Variants in CD300LB observed in about 807,000 individuals in gnomAD.
CD300LB encodes the protein CD300 molecule like family member b, also known as CMRF35-like molecule 7.
In CD300LB, 18 loss-of-function variants were observed where a neutral mutation model predicts 20.8. The observed-to-expected ratio is 0.87, with a 90% CI of 0.60 to 1.28. The LOEUF is 1.28. Among genes scored for constraint, CD300LB ranks in the 50% most tolerant of loss-of-function variants. CD300LB has a pLI of 0.00. For synonymous variants in CD300LB, 91 were observed against 91.3 expected (o/e 1.00, Z 0.02); for missense variants, 222 against 251.8 (o/e 0.88, Z 0.80).
intron 2 of CD300LB, 37 bp from the exon 3 acceptor site, chr17:74,523,688 C>A: frequency 1.4e-6 from 2 of 1,446,048 alleles, no homozygotes; most frequent in Non-Finnish European, 1.9e-6. Flanking sequence ...GTTATTAGCA[C>A]AGTTGGGAGC....
In CD300LB at chr17:74,531,356, T is replaced by C. The variant is rs1198454572; in HGVS notation, c.-6A>G. On this transcript the variant is annotated 5_prime_UTR_variant, in exon 1 of 4. Transcript: ENST00000392621. ...AGAGCAGGGGGCAGCCACATGGCTC[T>C]GCCTTCCCGGCTCCTCGTCCGCCTG... The C allele has an allele frequency of 6.2e-7, 1 of 1,611,806 alleles. No homozygotes were observed. The highest frequency in any genetic ancestry group is 8.5e-7 in the Non-Finnish European group (1 of 1,178,948).
chr17:74,523,310 C>A, intron 3 of CD300LB: 1 of 553,540 alleles, frequency 1.8e-6, no homozygotes, highest in South Asian at 2.2e-5. Flanking sequence ...CCCTGGCACC[C>A]ATTAGGCCAC....
At chr17:74,530,783 C>T (rs12948318) in intron 1 of CD300LB, among the ~76,000 whole-genome samples, 4,083 of 151,772 alleles carry the variant, frequency 0.027, 57 homozygotes, top group South Asian at 0.051. Flanking sequence ...TATGTCTCAC[C>T]CACTAAGCCA....
Position 74,531,320 on chromosome 17 carries a change from T to A in CD300LB, c.31A>T (p.Ser11Cys), listed in dbSNP as rs1482721741. 1.3e-6 allele frequency: 2 copies of A among 1,594,102 alleles called. No homozygotes were observed. Among genetic ancestry groups the A allele is most frequent in the African/African-American group, 2.7e-5 (2 of 73,968 alleles). The part of the protein sequence containing the change: MWLPPALLLL[S>C]LSGCFSIQGP... ...CCCCAGCCCCACTCACCTGAGAGGCTGAGAAGGAGCAGAGCAGGGGGCAGC... is the reference window on the plus strand; with the variant it reads ...CCCCAGCCCCACTCACCTGAGAGGCAGAGAAGGAGCAGAGCAGGGGGCAGC... The change falls in exon 1 of 4, where the codon AGC (serine) becomes TGC (cysteine). Residue 11 changes from serine (S) to cysteine (C), a missense_variant. Transcript: ENST00000392621.
chr17:74,522,593 G>A lies in CD300LB; in HGVS notation c.*145C>T. On this transcript the variant is annotated 3_prime_UTR_variant, in exon 4 of 4. Transcript: ENST00000392621. ...TCCCTGAGCTGTGCAGAACAGGGAG[G>A]TGCCCACCAGCTCCAAGGCCAGGGC... is the stretch of plus-strand genomic sequence containing the variant. The A allele has an allele frequency of 6.8e-7, 1 of 1,468,954 alleles. No homozygotes were observed. Among genetic ancestry groups the A allele is most frequent in the Non-Finnish European group, 9.0e-7 (1 of 1,113,892 alleles). The allele number at this position is 1,468,954 out of a possible 1,614,324, so 91.0% of individuals were successfully genotyped here.
Position 74,522,603 on chromosome 17 carries a change from G to C in CD300LB, c.*135C>G. On this transcript the variant is annotated 3_prime_UTR_variant, in exon 4 of 4. Transcript: ENST00000392621. ...GTGCAGAACAGGGAGGTGCCCACCA[G>C]CTCCAAGGCCAGGGCGGAGGCCCAG... 6.7e-7 allele frequency: 1 copy of C among 1,486,148 alleles called. No individual in the cohort carries two copies. Among genetic ancestry groups the C allele is most frequent in the African/African-American group, 1.4e-5 (1 of 71,552 alleles). 92.1% of individuals were successfully genotyped at this position (1,486,148 alleles called of 1,614,324 possible). A position where few individuals can be genotyped will look rare whatever the true frequency, so the allele number is the denominator to read the frequency against.
At chr17:74,530,278 A>C (rs2143093142) in intron 1 of CD300LB, among the ~76,000 whole-genome samples, 2 of 152,304 alleles carry the variant, frequency 1.3e-5, no homozygotes, top group South Asian at 4.1e-4. Context: ...GTAAAATTCT[A>C]GATTGTCCCC....
chr17:74,521,212 A>C lies in CD300LB; in HGVS notation c.*1526T>G, dbSNP rs1907868624. The C allele has an allele frequency of 4.1e-6, 1 of 246,340 alleles. No individual in the cohort carries two copies. The highest frequency in any genetic ancestry group is 2.3e-5 in the African/African-American group (1 of 43,164). The allele number at this position is 246,340 out of a possible 1,614,324, so 15.3% of individuals were successfully genotyped here. A position where few individuals can be genotyped will look rare whatever the true frequency, so the allele number is the denominator to read the frequency against. ...ACGGATTCATTGAATATCAACAGGA[A>C]GAAACGGTGGGAAAAGAATGACATC... On this transcript the variant is annotated 3_prime_UTR_variant, in exon 4 of 4. Transcript: ENST00000392621.
Position 74,522,604 on chromosome 17 carries a change from C to T in CD300LB, c.*134G>A. 6.7e-7 allele frequency: 1 copy of T among 1,488,420 alleles called. No individual in the cohort carries two copies. The highest frequency in any genetic ancestry group is 2.3e-5 in the East Asian group (1 of 42,846). 92.2% of individuals were successfully genotyped at this position (1,488,420 alleles called of 1,614,324 possible). ...TGCAGAACAGGGAGGTGCCCACCAG[C>T]TCCAAGGCCAGGGCGGAGGCCCAGG... On this transcript the variant is annotated 3_prime_UTR_variant, in exon 4 of 4. Coordinates refer to ENST00000392621, the MANE Select transcript of CD300LB (RefSeq NM_174892.4).
intron 2 of CD300LB, among the ~76,000 whole-genome samples, 194 bp from the exon 3 acceptor site, chr17:74,523,845 A>G (rs1907956130): frequency 6.6e-6 from 1 of 152,136 alleles, no homozygotes; most frequent in Non-Finnish European, 1.5e-5. Flanking sequence ...ATTTTTCCTC[A>G]TCATGTTCAG....
chr17:74,522,953 C>T (rs1567998293), intron 3 of CD300LB, 53 bp from the exon 4 acceptor site: 13 of 1,542,060 alleles, frequency 8.4e-6, no homozygotes, highest in Non-Finnish European at 1.1e-5. Context: ...GGCCATGTCA[C>T]TCCCATCCCC....
rs1456058964 is a variant in CD300LB at position 74,525,903 on chromosome 17, T to G, written c.215A>C (p.Lys72Thr). The G allele has an allele frequency of 1.2e-6, 2 of 1,614,018 alleles. No homozygotes were observed. Among genetic ancestry groups the G allele is most frequent in the Non-Finnish European group, 1.7e-6 (2 of 1,180,036 alleles). Residue 72 changes from lysine to threonine, a missense_variant, in exon 2 of 4, where the codon AAG (lysine) becomes ACG (threonine). Physicochemically the swap from Lys to Thr is moderately conservative, Grantham distance 78. Coordinates refer to ENST00000392621, the MANE Select transcript of CD300LB (RefSeq NM_174892.4). ...GTCCTTGATGGACACACGGTCACTC[T>G]TCTCTCCTTGCTCCGACCCTCTGGT... ...IETRGSEQGE[K>T]SDRVSIKDNQ... is the part of the protein sequence containing the mutation.
At position 74,521,895 on chromosome 17, in the gene CD300LB, A is replaced by G. The variant is rs1417833272; in HGVS notation, c.*843T>C. On this transcript the variant is annotated 3_prime_UTR_variant, in exon 4 of 4. Coordinates refer to ENST00000392621, the MANE Select transcript of CD300LB (RefSeq NM_174892.4). ...TTTTCATTAGTAACATGATTTCAACATCACCGAAAAGGGAGGGTGCCATTT... is the reference window on the plus strand; with the variant it reads ...TTTTCATTAGTAACATGATTTCAACGTCACCGAAAAGGGAGGGTGCCATTT... The G allele has an allele frequency of 1.0e-6, 1 of 985,448 alleles. No individual in the cohort carries two copies. Among genetic ancestry groups the G allele is most frequent in the Non-Finnish European group, 1.2e-6 (1 of 829,926 alleles). The allele number at this position is 985,448 out of a possible 1,614,324, so 61.0% of individuals were successfully genotyped here. A position where few individuals can be genotyped will look rare whatever the true frequency, so the allele number is the denominator to read the frequency against.
rs143428568 is a variant in CD300LB, at chr17:74,523,616, T to C, written c.406A>G (p.Asn136Asp). 2.2e-4 allele frequency: 359 copies of C among 1,613,834 alleles called. No individual in the cohort carries two copies. The highest frequency in any genetic ancestry group is 2.6e-4 in the Non-Finnish European group (304 of 1,179,722). Residue 136 changes from asparagine (N) to aspartate (D), a missense_variant, in exon 3 of 4, where the codon AAC becomes GAC. Physicochemically the swap from Asn to Asp is conservative, Grantham distance 23 (BLOSUM62 1). Transcript: ENST00000392621. ...CCGATGAACACTGCCATATTGCTGT[T>C]GGTAGGTGAGCTTGCTGTTGTGGAA... ...AASTTASSPT[N>D]SNMAVFIGSH... is the part of the protein sequence containing the mutation.
At chr17:74,523,278 C>T in intron 3 of CD300LB, 1 of 529,798 alleles carries the variant, frequency 1.9e-6, no homozygotes, top group South Asian at 2.3e-5. Context: ...TCTTGCACCA[C>T]AGAGGGTGGT....
chr17:74,529,024 G>C (rs1050384814), intron 1 of CD300LB, among the ~76,000 whole-genome samples: 2 of 152,168 alleles, frequency 1.3e-5, no homozygotes, highest in Admixed American at 6.5e-5. Context: ...CCACTGCTTG[G>C]GGGGCTGAGG....
rs1481034160 is a variant in CD300LB, at chr17:74,531,310, C to T, written c.40+1G>A. The T allele has an allele frequency of 1.9e-6, 3 of 1,584,790 alleles. No homozygotes were observed. The highest frequency in any genetic ancestry group is 2.7e-5 in the African/African-American group (2 of 73,618). ...GCGCCCAAGGCCCCAGCCCCACTCA[C>T]CTGAGAGGCTGAGAAGGAGCAGAGC... On this transcript the variant is annotated splice_donor_variant, in intron 1 of 3. Coordinates refer to ENST00000392621, the MANE Select transcript of CD300LB (RefSeq NM_174892.4). LOFTEE classifies it high-confidence loss of function.
intron 2 of CD300LB, 21 bp downstream of exon 2, chr17:74,525,727 T>C: frequency 6.2e-7 from 1 of 1,605,642 alleles, no homozygotes; most frequent in Non-Finnish European, 8.5e-7. Context: ...GGCCTCCTTG[T>C]GTAGATGAGA....
In CD300LB at chr17:74,525,973, A is replaced by C. The variant is rs1375045913; in HGVS notation, c.145T>G (p.Trp49Gly). The C allele has an allele frequency of 6.2e-7, 1 of 1,614,036 alleles. No individual in the cohort carries two copies. Among genetic ancestry groups the C allele is most frequent in the Non-Finnish European group, 8.5e-7 (1 of 1,180,008 alleles). ...GTATCCCAGCGCACCCCTCGGCACC[A>C]CCACTTAATGTAGGTCTCCCATCCT... ...KQGWETYIKW[W>G]CRGVRWDTCK... Residue 49 changes from tryptophan (W) to glycine (G), a missense_variant, in exon 2 of 4, where the codon TGG becomes GGG. Trp to Gly is a radical substitution (Grantham distance 184). Transcript: ENST00000392621.
Sources: allele counts gnomAD v4.1 joint callset (sites outside exome capture counted in the v4.1 genomes callset), GRCh38; gene constraint gnomAD v4.1.1; transcripts MANE v1.5; gene names NCBI Gene and HGNC (gene_info 2026-07-23, HGNC 2026-07-21).